Variants in FGL1 observed in about 807,000 individuals in gnomAD.
FGL1 encodes the protein fibrinogen-like protein 1.
Under a neutral mutation model 43.7 loss-of-function variants are expected in FGL1, and 59 were observed. That is an observed-to-expected ratio of 1.35 (90% confidence interval 1.10 to 1.68). The LOEUF is 1.68. FGL1 is among the 40% of genes most tolerant of loss of function. The probability of loss-of-function intolerance (pLI) is 0.00; values close to 1 mark genes in which losing one functional copy is unlikely to be tolerated. For synonymous variants in FGL1, 192 were observed against 126.5 expected (o/e 1.52, Z -3.48); for missense variants, 596 against 373.0 (o/e 1.60, Z -4.92).
intron 1 of FGL1, chr8:17,891,291 A>G (rs1404836931): frequency 6.6e-6 from 1 of 152,190 alleles, no homozygotes; most frequent in Non-Finnish European, 1.5e-5. Flanking sequence ...CAAGAAGAAC[A>G]GGGCCATACT....
intron 5 of FGL1, among the ~76,000 whole-genome samples, chr8:17,871,502 A>C (rs2053359943): frequency 7.1e-6 from 1 of 140,986 alleles, no homozygotes; most frequent in Non-Finnish European, 1.5e-5. Context: ...AAAAAAAAAA[A>C]CAAAAAAAAA....
intron 2 of FGL1, chr8:17,882,707 A>G (rs913800338): frequency 2.9e-5 from 4 of 138,694 alleles, no homozygotes; most frequent in African/African-American, 8.0e-5. Context: ...AATGTATATT[A>G]TATATTATAT....
At chr8:17,867,442 C>A (rs1352169903) in intron 7 of FGL1, among the ~76,000 whole-genome samples, 1 of 152,128 alleles carries the variant, frequency 6.6e-6, no homozygotes, top group Non-Finnish European at 1.5e-5. Context: ...TATAGTAGTT[C>A]TCTGTTTTTT....
intron 4 of FGL1, 104 bp downstream of exon 4, chr8:17,874,258 G>A (rs1398189576): frequency 7.2e-7 from 1 of 1,393,818 alleles, no homozygotes; most frequent in African/African-American, 1.5e-5. Context: ...TAGAGAGATT[G>A]AAATTCTGTC....
At chr8:17,870,919 A>AT (rs1449088620) in intron 5 of FGL1, among the ~76,000 whole-genome samples, 4 of 150,976 alleles carry the variant, frequency 2.6e-5, no homozygotes, top group Non-Finnish European at 4.4e-5. Context: ...AAAAAAAGCC[A>AT]TTTTTTAGCC....
intron 2 of FGL1, among the ~76,000 whole-genome samples, chr8:17,885,166 G>C (rs539669132): frequency 6.6e-6 from 1 of 151,692 alleles, no homozygotes; most frequent in East Asian, 1.9e-4. Flanking sequence ...TCAGCCTCAC[G>C]AGTAGCTAGG....
intron 5 of FGL1, among the ~76,000 whole-genome samples, chr8:17,873,692 C>T (rs1764429151): frequency 1.4e-5 from 1 of 72,592 alleles, no homozygotes; most frequent in South Asian, 3.2e-4. Flanking sequence ...TCTATAGATA[C>T]ATATAGCGAC....
At position 17,864,710 on chromosome 8, in the gene FGL1, G is replaced by A; in HGVS notation, c.821C>T (p.Pro274Leu). The change falls in exon 8 of 8, where the codon CCC (proline) becomes CTC (leucine). Residue 274 changes from proline (P) to leucine (L), a missense_variant. Pro to Leu is a moderately conservative substitution (Grantham distance 98). Transcript: ENST00000427924. ...ANLNGVYYSG[P>L]YTAKTDNGIV... is the part of the protein sequence containing the mutation. ...CCCATTGTCTGTTTTAGCCGTGTAG[G>A]GGCCGCTGTAGTATACACCATTCAG... The A allele has an allele frequency of 1.2e-6, 2 of 1,612,502 alleles. No individual in the cohort carries two copies. Among genetic ancestry groups the A allele is most frequent in the South Asian group, 1.1e-5 (1 of 90,856 alleles).
chr8:17,875,022 T>C (rs891113943), intron 3 of FGL1, among the ~76,000 whole-genome samples: 4 of 152,128 alleles, frequency 2.6e-5, no homozygotes, highest in Admixed American at 6.5e-5. Context: ...GAACTTACAG[T>C]TTTATCAGAC....
intron 7 of FGL1, among the ~76,000 whole-genome samples, chr8:17,867,723 C>A (rs1035661032): frequency 6.6e-6 from 1 of 152,198 alleles, no homozygotes; most frequent in African/African-American, 2.4e-5. Context: ...GGGTGACCCA[C>A]CTCCTGGGCA....
At chr8:17,873,150 A>G (rs779868082) in intron 5 of FGL1, among the ~76,000 whole-genome samples, 3 of 152,182 alleles carry the variant, frequency 2.0e-5, no homozygotes, top group Non-Finnish European at 4.4e-5. Flanking sequence ...ATATGTCTTC[A>G]TAGCTCCTCC....
intron 2 of FGL1, chr8:17,882,805 A>ATAATAAATAATATATAT (rs2053558796): frequency 3.5e-5 from 4 of 114,218 alleles, no homozygotes; most frequent in South Asian, 2.4e-4. Flanking sequence ...AATATATTAA[A>ATAATAAATAATATATAT]CAATATATAA....
chr8:17,865,580 A>G (rs2131687682), intron 7 of FGL1, among the ~76,000 whole-genome samples: 1 of 152,324 alleles, frequency 6.6e-6, no homozygotes, highest in Middle Eastern at 3.4e-3. Flanking sequence ...GCACCAATCT[A>G]GATAAGCTGG....
At chr8:17,891,579 G>C (rs1032052965) in intron 1 of FGL1, 2 of 529,044 alleles carry the variant, frequency 3.8e-6, no homozygotes, top group Non-Finnish European at 4.8e-6. Flanking sequence ...ACATTCACAG[G>C]TAATAAAAGT....
chr8:17,878,595 A>G (rs1320657398), intron 3 of FGL1, among the ~76,000 whole-genome samples: 41 of 152,130 alleles, frequency 2.7e-4, no homozygotes, highest in Admixed American at 2.6e-3. Context: ...CTTTTAATTC[A>G]TAATCCGCTA....
rs2653414 is a variant in FGL1 at position 17,868,560 on chromosome 8, C to A, written c.767G>T (p.Trp256Leu). Reference protein sequence around the residue: ...GNCAEEDQSGWWFNRCHSANL... With the variant: ...GNCAEEDQSGLWFNRCHSANL... ...TAAGACATCAAACCTGTTAAACCACCAGCCAGACTGATCTTCTTCTGCGCA... is the reference window on the plus strand; with the variant it reads ...TAAGACATCAAACCTGTTAAACCACAAGCCAGACTGATCTTCTTCTGCGCA... The change falls in exon 7 of 8, where the codon TGG (tryptophan) becomes TTG (leucine). Residue 256 changes from tryptophan to leucine, a missense_variant. Trp to Leu is a moderately conservative substitution (Grantham distance 61). Transcript: ENST00000427924. 22,635 of 1,611,572 alleles carry A rather than the reference C, an allele frequency of 0.014. 217 individuals are homozygous for A. Among genetic ancestry groups the A allele is most frequent in the Middle Eastern group, 0.033 (197 of 6,058 alleles).
intron 7 of FGL1, among the ~76,000 whole-genome samples, chr8:17,866,283 A>G (rs1055894835): frequency 1.3e-5 from 2 of 152,288 alleles, no homozygotes; most frequent in Admixed American, 1.3e-4. Context: ...GTGGCTGTGA[A>G]CACTCACGTG....
chr8:17,874,245 CT>C, intron 4 of FGL1, 116 bp downstream of exon 4: 1 of 1,378,052 alleles, frequency 7.3e-7, no homozygotes, highest in South Asian at 1.2e-5. Context: ...CAGTATTCTT[CT>C]TTAGAGAGAT....
At chr8:17,888,963 A>G (rs1197931650) in intron 1 of FGL1, among the ~76,000 whole-genome samples, 1 of 152,188 alleles carries the variant, frequency 6.6e-6, no homozygotes, top group Non-Finnish European at 1.5e-5. Flanking sequence ...TTTCTTCACA[A>G]TAAGAGAATA....
Sources: gnomAD v4.1 joint callset for allele counts (sites outside exome capture counted in the v4.1 genomes callset) on GRCh38, gnomAD v4.1.1 for gene constraint, MANE v1.5 for transcripts, NCBI Gene and HGNC (gene_info 2026-07-23, HGNC 2026-07-21) for gene names.